The following DGKB variants were observed in gnomAD, a reference collection of about 807,000 sequenced individuals.
DGKB encodes 90 kDa diacylglycerol kinase.
DGKB carries 67 observed loss-of-function variants against 114.3 expected under a neutral mutation model. The ratio of observed to expected loss-of-function variants is 0.59; its 90% CI spans 0.48 to 0.72. The LOEUF (loss-of-function observed/expected upper bound fraction) is 0.72. DGKB is among the 30% of genes least tolerant of loss of function. DGKB has a pLI of 0.00. For missense variants in DGKB, 907 were observed against 975.2 expected (o/e 0.93, Z 0.93); for synonymous variants, 398 against 323.1 (o/e 1.23, Z -2.49).
At chr7:14,773,922 G>T (rs1035283831) in intron 2 of DGKB, among the ~76,000 whole-genome samples, 14 of 142,634 alleles carry the variant, frequency 9.8e-5, no homozygotes, top group African/African-American at 3.9e-4. Context: ...CGGCAAAGGG[G>T]GAAAAAGGCT....
At chr7:14,290,936 G>A (rs1304961561) in intron 23 of DGKB, among the ~76,000 whole-genome samples, 1 of 151,868 alleles carries the variant, frequency 6.6e-6, no homozygotes, top group Non-Finnish European at 1.5e-5. Flanking sequence ...GAGCTCAGGA[G>A]TTCGAGACAA....
intron 20 of DGKB, among the ~76,000 whole-genome samples, chr7:14,528,776 T>C (rs539492839): frequency 3.3e-5 from 5 of 152,168 alleles, no homozygotes; most frequent in Admixed American, 6.6e-5. Context: ...AGACAGGTAA[T>C]TGGTACCTTA....
chr7:14,620,336 A>G (rs1385266830), intron 15 of DGKB, among the ~76,000 whole-genome samples: 1 of 151,372 alleles, frequency 6.6e-6, no homozygotes, highest in African/African-American at 2.4e-5. Flanking sequence ...TTAGTTATCA[A>G]TATTTAATAA....
chr7:14,445,671 A>G (rs1830631263), intron 21 of DGKB, among the ~76,000 whole-genome samples: 4 of 152,036 alleles, frequency 2.6e-5, no homozygotes, highest in Admixed American at 2.6e-4. Context: ...CTGCTCAATA[A>G]TGATTACAGT....
At chr7:14,290,741 T>C (rs1332141461) in intron 23 of DGKB, among the ~76,000 whole-genome samples, 2 of 152,158 alleles carry the variant, frequency 1.3e-5, no homozygotes, top group Non-Finnish European at 2.9e-5. Flanking sequence ...AACTGTCTCC[T>C]GTCAAGAAAA....
chr7:14,792,024 CTG>C (rs1437655312), intron 2 of DGKB, among the ~76,000 whole-genome samples: 1 of 152,064 alleles, frequency 6.6e-6, no homozygotes, highest in Non-Finnish European at 1.5e-5. Context: ...TTGGTAGAGA[CTG>C]TGTAGAATTG....
chr7:14,919,062 G>GCACA lies in DGKB; in HGVS notation c.-188+55630_-188+55633dup, dbSNP rs767285844. ...GTGACAGAGTGAGACTCCACCACAC[G>GCACA]CACACACACACACACACACACACAC... is the stretch of plus-strand genomic sequence containing the variant. On this transcript the variant is annotated intron_variant, in intron 1 of 4. Transcript: ENST00000437998. 7.5e-3 allele frequency among the ~76,000 whole-genome samples: 886 copies of GCACA among 118,118 alleles called. 2 individuals carry two copies. Among genetic ancestry groups the GCACA allele is most frequent in the Non-Finnish European group, 0.012 (687 of 57,492 alleles). The allele number at this position is 118,118 out of a possible 152,430, so 77.5% of individuals were successfully genotyped here. A position where few individuals can be genotyped will look rare whatever the true frequency, so the allele number is the denominator to read the frequency against.
chr7:14,173,088 C>A (rs1436788882), intron 25 of DGKB, among the ~76,000 whole-genome samples: 1 of 152,082 alleles, frequency 6.6e-6, no homozygotes, highest in African/African-American at 2.4e-5. Flanking sequence ...AGTTATATGG[C>A]TAAAATAATT....
intron 25 of DGKB, among the ~76,000 whole-genome samples, chr7:14,168,043 G>A (rs1324854229): frequency 2.6e-5 from 4 of 152,250 alleles, no homozygotes; most frequent in Middle Eastern, 6.8e-3. Context: ...TTATAACCAT[G>A]CTCTAAGAAG....
intron 20 of DGKB, among the ~76,000 whole-genome samples, chr7:14,561,618 G>A (rs907998745): frequency 6.6e-6 from 1 of 152,180 alleles, no homozygotes; most frequent in Non-Finnish European, 1.5e-5. Context: ...ATGGAGATGA[G>A]AAACTTGGGA....
chr7:14,884,202 A>G (rs1280252906), intron 1 of DGKB, among the ~76,000 whole-genome samples: 1 of 151,952 alleles, frequency 6.6e-6, no homozygotes, highest in Non-Finnish European at 1.5e-5. Context: ...TTCCAATAAA[A>G]CTTTATTTAC....
chr7:14,213,177 T>C lies in DGKB; in HGVS notation c.2123-35026A>G, dbSNP rs190991633. Among the ~76,000 whole-genome samples, 45 of 152,238 alleles carry C rather than the reference T, an allele frequency of 3.0e-4. 1 individual carries two copies. In the East Asian group the frequency reaches 7.4e-3, roughly 25 times the overall value. ...AAAAACATGTCCTGGAAAGCTATTT[T>C]CGTATATATATCAATTTGATTCATT... On this transcript the variant is annotated intron_variant, in intron 23 of 25. Transcript: ENST00000402815.
chr7:14,554,028 A>T (rs1372450784), intron 20 of DGKB, among the ~76,000 whole-genome samples: 1 of 151,480 alleles, frequency 6.6e-6, no homozygotes. Flanking sequence ...AACCGTCACC[A>T]CGCCCGGCTA....
chr7:14,319,052 C>G (rs958890319), intron 23 of DGKB, among the ~76,000 whole-genome samples: 5 of 150,598 alleles, frequency 3.3e-5, no homozygotes, highest in African/African-American at 4.9e-5. Flanking sequence ...AAACCAAACA[C>G]TGCATATGCT....
Position 14,841,369 on chromosome 7 carries a change from A to G in DGKB, c.-106T>C. 1 of 922,140 alleles carries G rather than the reference A, an allele frequency of 1.1e-6. No individual in the cohort carries two copies. The highest frequency in any genetic ancestry group is 1.6e-6 in the Non-Finnish European group (1 of 608,126). The allele number at this position is 922,140 out of a possible 1,614,324, so 57.1% of individuals were successfully genotyped here. Reference sequence around the variant, plus strand: ...TTCCACATGGCATGTTTCATGATAAAATACCTCAGGCTTTCAAAATATGCA... The same window carrying G: ...TTCCACATGGCATGTTTCATGATAAGATACCTCAGGCTTTCAAAATATGCA... On this transcript the variant is annotated 5_prime_UTR_variant, in exon 2 of 26. Coordinates refer to ENST00000402815, the MANE Select transcript of DGKB (RefSeq NM_001350709.2).
intron 23 of DGKB, among the ~76,000 whole-genome samples, chr7:14,271,685 A>C (rs1391002923): frequency 6.6e-6 from 1 of 152,200 alleles, no homozygotes; most frequent in Non-Finnish European, 1.5e-5. Context: ...TCTGAAAGAG[A>C]GCACTACAAA....
At chr7:14,890,342 C>T (rs1042220612) in intron 1 of DGKB, among the ~76,000 whole-genome samples, 11 of 151,502 alleles carry the variant, frequency 7.3e-5, no homozygotes, top group Non-Finnish European at 1.5e-4. Flanking sequence ...GAAATGTACA[C>T]TTGCAAAATA....
intron 21 of DGKB, among the ~76,000 whole-genome samples, chr7:14,467,098 T>C (rs1296867273): frequency 6.6e-6 from 1 of 151,730 alleles, no homozygotes; most frequent in Non-Finnish European, 1.5e-5. Flanking sequence ...GTACCATATT[T>C]ATGCTTAATG....
intron 23 of DGKB, among the ~76,000 whole-genome samples, chr7:14,260,722 G>T (rs2128411629): frequency 6.6e-6 from 1 of 152,154 alleles, no homozygotes; most frequent in East Asian, 1.9e-4. Context: ...AACCCTTTTG[G>T]TTTAAGTAGA....
Sources: allele counts gnomAD v4.1 joint callset (sites outside exome capture counted in the v4.1 genomes callset), GRCh38; gene constraint gnomAD v4.1.1; transcripts MANE v1.5; gene names NCBI Gene and HGNC (gene_info 2026-07-23, HGNC 2026-07-21).